Variants in RAD17 observed in about 807,000 individuals in gnomAD.
The protein encoded by RAD17 is RAD17 checkpoint clamp loader component, also known as cell cycle checkpoint protein RAD17.
Under a neutral mutation model 81.5 loss-of-function variants are expected in RAD17, and 31 were observed. The ratio of observed to expected loss-of-function variants is 0.38; its 90% CI spans 0.29 to 0.51. The LOEUF is 0.51. Among genes scored for constraint, RAD17 ranks in the 20% least tolerant of loss-of-function variants. The pLI is 0.88. For missense variants in RAD17, 681 were observed against 781.2 expected, an observed-to-expected ratio of 0.87 and a Z score of 1.53; for synonymous variants, 261 against 266.2, an observed-to-expected ratio of 0.98 and a Z score of 0.19.
At chr5:69,413,332 G>A (rs923918105) in intron 18 of RAD17, among the ~76,000 whole-genome samples, 2 of 151,998 alleles carry the variant, frequency 1.3e-5, no homozygotes, top group African/African-American at 4.8e-5. Context: ...CCAGCTACTT[G>A]GGAGGCTGAG....
At chr5:69,408,432 C>CT (rs1315134734) in intron 17 of RAD17, among the ~76,000 whole-genome samples, 2 of 149,450 alleles carry the variant, frequency 1.3e-5, no homozygotes, top group African/African-American at 4.9e-5. Context: ...GCAGAGCTCA[C>CT]TTTGTCTCTT....
chr5:69,381,399 T>G (rs933660991), intron 6 of RAD17, among the ~76,000 whole-genome samples: 1 of 151,510 alleles, frequency 6.6e-6, no homozygotes, highest in Admixed American at 6.6e-5. Flanking sequence ...GAGAATGGCG[T>G]GAACCCGGGA....
At chr5:69,369,593 G>A (rs1762778961), upstream of RAD17, 3 of 1,595,470 alleles carry the variant, frequency 1.9e-6, no homozygotes, top group African/African-American at 1.3e-5. Context: ...GGCCCCAAAG[G>A]CCCCGAAGCC....
chr5:69,401,695 C>T (rs1203911843), intron 17 of RAD17, among the ~76,000 whole-genome samples: 3 of 151,832 alleles, frequency 2.0e-5, no homozygotes, highest in African/African-American at 7.3e-5. Context: ...TTTAAGAGTA[C>T]ACTAGTTTTT....
At chr5:69,395,672 C>A (rs1335804465) in intron 15 of RAD17, among the ~76,000 whole-genome samples, 1 of 151,830 alleles carries the variant, frequency 6.6e-6, no homozygotes, top group Non-Finnish European at 1.5e-5. Context: ...TATACAGCTA[C>A]TAAGTACCCA....
At chr5:69,386,152 T>C in intron 9 of RAD17, 28 bp from the exon 10 acceptor site, 1 of 1,600,008 alleles carries the variant, frequency 6.2e-7, no homozygotes, top group Non-Finnish European at 8.5e-7. Context: ...GGCTTAAATT[T>C]CAACATTGCT....
At chr5:69,388,818 G>A (rs1358288320) in intron 11 of RAD17, among the ~76,000 whole-genome samples, 1 of 151,848 alleles carries the variant, frequency 6.6e-6, no homozygotes, top group African/African-American at 2.4e-5. Context: ...ACCTTGCCTA[G>A]GCTGGTCTCA....
chr5:69,396,256 T>C (rs898448535), intron 15 of RAD17, 141 bp from the exon 16 acceptor site: 1 of 802,578 alleles, frequency 1.2e-6, no homozygotes. Context: ...TTTATAGTGC[T>C]GTTATTTATA....
At chr5:69,371,675 T>A (rs899275369) in intron 3 of RAD17, 118 bp downstream of exon 3, 1 of 503,236 alleles carries the variant, frequency 2.0e-6, no homozygotes, top group Non-Finnish European at 3.1e-6. Flanking sequence ...TCTATTGTAA[T>A]TAATGATTTA....
At chr5:69,375,554 T>C (rs972689767) in intron 6 of RAD17, among the ~76,000 whole-genome samples, 1 of 152,098 alleles carries the variant, frequency 6.6e-6, no homozygotes, top group African/African-American at 2.4e-5. Context: ...ACTCATTGTT[T>C]CCCCCTTAAG....
At chr5:69,398,608 C>A (rs560257566) in intron 16 of RAD17, among the ~76,000 whole-genome samples, 20 of 151,802 alleles carry the variant, frequency 1.3e-4, no homozygotes, top group Non-Finnish European at 2.6e-4. Context: ...GAGTTCGAGA[C>A]CAGCCTGACT....
At chr5:69,371,230 C>G in intron 2 of RAD17, 59 bp downstream of exon 2, 2 of 529,846 alleles carry the variant, frequency 3.8e-6, no homozygotes, top group Non-Finnish European at 7.0e-6. Flanking sequence ...TCATTGAGTT[C>G]ATGTGAAAAA....
intron 16 of RAD17, among the ~76,000 whole-genome samples, chr5:69,399,247 C>T (rs1320259784): frequency 6.6e-6 from 1 of 151,984 alleles, no homozygotes; most frequent in African/African-American, 2.4e-5. Context: ...AGAGTGAGAC[C>T]CCCATCTCTC....
intron 6 of RAD17, among the ~76,000 whole-genome samples, chr5:69,377,474 T>TAC (rs1284487463): frequency 0.015 from 152 of 10,096 alleles, 2 homozygotes; most frequent in African/African-American, 0.018. Context: ...TATATATATA[T>TAC]ACACACACAC....
chr5:69,374,428 T>C lies in RAD17; in HGVS notation c.268-200T>C, dbSNP rs113192108. ...AACTGCAAACTTGCCAAAATTATCA[T>C]ACAGAGGTATCAACTTAAGAATATA... On this transcript the variant is annotated intron_variant, in intron 5 of 18. Coordinates refer to ENST00000354868, the MANE Select transcript of RAD17 (RefSeq NM_133338.3). Among the ~76,000 whole-genome samples, 244 of 152,324 alleles carry C rather than the reference T, an allele frequency of 1.6e-3. 1 individual carries two copies. Among genetic ancestry groups the C allele is most frequent in the Non-Finnish European group, 3.1e-3 (212 of 68,028 alleles).
Position 69,389,145 on chromosome 5 carries a change from G to A in RAD17, c.1006G>A (p.Gly336Arg). The A allele has an allele frequency of 6.4e-7, 1 of 1,558,334 alleles. No individual in the cohort carries two copies. The highest frequency in any genetic ancestry group is 1.2e-5 in the South Asian group (1 of 84,158). The part of the protein sequence containing the change: ...INSLQFSSSK[G>R]ENNLRPRKKG... Reference sequence around the variant, plus strand: ...CAGCCTCCAGTTTTCTTCTTCAAAAGGTAACTATGGAAGATACAGTCATGT... The same window carrying A: ...CAGCCTCCAGTTTTCTTCTTCAAAAAGTAACTATGGAAGATACAGTCATGT... The change falls in exon 12 of 19, where the codon GGA becomes AGA. Residue 336 changes from glycine (G) to arginine (R), a missense_variant and splice_region_variant. Gly to Arg is a moderately radical substitution (Grantham distance 125). Transcript: ENST00000354868.
At chr5:69,374,932 C>T (rs1361208398) in intron 6 of RAD17, among the ~76,000 whole-genome samples, 1 of 152,078 alleles carries the variant, frequency 6.6e-6, no homozygotes, top group Non-Finnish European at 1.5e-5. Context: ...TCGAGAGCAG[C>T]CTGGGCAACA....
In RAD17 at chr5:69,410,568, A is replaced by C; in HGVS notation, c.1751+18A>C. 1 of 1,607,908 alleles carries C rather than the reference A, an allele frequency of 6.2e-7. No individual in the cohort carries two copies. Among genetic ancestry groups the C allele is most frequent in the Non-Finnish European group, 8.5e-7 (1 of 1,174,862 alleles). ...TTTGGAAGGTAAGCTGATCATCTCA[A>C]TTTCCAAAAAGCTGATAATGAAATG... On this transcript the variant is annotated intron_variant, in intron 18 of 18. Transcript: ENST00000354868.
intron 17 of RAD17, among the ~76,000 whole-genome samples, chr5:69,407,362 G>T (rs1177557): frequency 6.6e-6 from 1 of 151,592 alleles, no homozygotes; most frequent in Non-Finnish European, 1.5e-5. Context: ...AAGATGTTTT[G>T]GTTTTTCTTA....
Sources: allele counts gnomAD v4.1 joint callset (sites outside exome capture counted in the v4.1 genomes callset), GRCh38; gene constraint gnomAD v4.1.1; transcripts MANE v1.5; gene names NCBI Gene and HGNC (gene_info 2026-07-23, HGNC 2026-07-21).